The following TBC1D19 variants were observed in gnomAD, a reference collection of about 807,000 sequenced individuals.
The protein encoded by TBC1D19 is TBC1 domain family member 19, also known as TBC1 domain family, member 19.
A neutral mutation model predicts 89.0 loss-of-function variants in TBC1D19; 60 were observed. The ratio of observed to expected loss-of-function variants is 0.67; its 90% CI spans 0.55 to 0.84. The LOEUF (loss-of-function observed/expected upper bound fraction) is 0.84. Ranked by LOEUF, TBC1D19 falls within the 40% of genes least tolerant of loss-of-function variation. TBC1D19 has a pLI of 0.00. For missense variants in TBC1D19, 500 were observed against 610.8 expected (o/e 0.82, Z 1.91); for synonymous variants, 189 against 199.7 (o/e 0.95, Z 0.45).
At chr4:26,679,892 A>C (rs956812709) in intron 11 of TBC1D19, among the ~76,000 whole-genome samples, 3 of 152,212 alleles carry the variant, frequency 2.0e-5, no homozygotes, top group African/African-American at 7.2e-5. Context: ...CCAGGGTAGA[A>C]TGATATCATT....
At chr4:26,640,529 A>G (rs1051161859) in intron 7 of TBC1D19, among the ~76,000 whole-genome samples, 1 of 152,172 alleles carries the variant, frequency 6.6e-6, no homozygotes, top group Non-Finnish European at 1.5e-5. Context: ...TAACTGAGGC[A>G]CCTGGTTCAC....
At chr4:26,632,460 T>C (rs140080746) in intron 4 of TBC1D19, among the ~76,000 whole-genome samples, 1 of 152,060 alleles carries the variant, frequency 6.6e-6, no homozygotes, top group East Asian at 1.9e-4. Context: ...TATTATTTAT[T>C]AAGTGGGAGT....
At chr4:26,801,020 C>T in the TBC1D19 span, among the ~76,000 whole-genome samples, 1 of 152,204 alleles carries the variant, frequency 6.6e-6, no homozygotes, top group African/African-American at 2.4e-5. Context: ...AATTAGATCC[C>T]ATTTGTCAAT....
chr4:26,694,926 A>G (rs1714630556), intron 13 of TBC1D19, among the ~76,000 whole-genome samples: 1 of 152,190 alleles, frequency 6.6e-6, no homozygotes, highest in Non-Finnish European at 1.5e-5. Context: ...AGGTAGATAA[A>G]ACCACAAAGA....
At chr4:26,613,076 C>A in intron 1 of TBC1D19, 93 bp from the exon 2 acceptor site, 1 of 927,978 alleles carries the variant, frequency 1.1e-6, no homozygotes, top group Non-Finnish European at 1.6e-6. Flanking sequence ...CCTTTTTAAA[C>A]ATTTCCTTTG....
chr4:26,835,166 C>T, the TBC1D19 span, among the ~76,000 whole-genome samples: 2 of 152,098 alleles, frequency 1.3e-5, no homozygotes, highest in Admixed American at 1.3e-4. Context: ...TCACCTGTGT[C>T]CTTATAAGAG....
the TBC1D19 span, among the ~76,000 whole-genome samples, chr4:26,837,397 A>C: frequency 6.6e-6 from 1 of 152,206 alleles, no homozygotes; most frequent in Admixed American, 6.5e-5. Flanking sequence ...TGGTTGGATG[A>C]GATGAATGAG....
At chr4:26,666,609 G>A (rs1440774520) in intron 9 of TBC1D19, among the ~76,000 whole-genome samples, 7 of 151,712 alleles carry the variant, frequency 4.6e-5, no homozygotes, top group Non-Finnish European at 1.0e-4. Context: ...CTTTTTATTT[G>A]AAAGTCTTTA....
chr4:26,787,091 A>G, the TBC1D19 span, among the ~76,000 whole-genome samples: 1 of 150,376 alleles, frequency 6.6e-6, no homozygotes, highest in African/African-American at 2.5e-5. Flanking sequence ...CACATAATAA[A>G]GAGGAACTAG....
chr4:26,837,335 G>A, the TBC1D19 span, among the ~76,000 whole-genome samples: 1 of 151,554 alleles, frequency 6.6e-6, no homozygotes, highest in African/African-American at 2.4e-5. Context: ...TGATGAGTTG[G>A]AAAAAAAAGA....
intron 20 of TBC1D19, 98 bp from the exon 21 acceptor site, chr4:26,754,775 A>G (rs1454529667): frequency 1.1e-6 from 1 of 907,130 alleles, no homozygotes; most frequent in Non-Finnish European, 1.6e-6. Context: ...GACAAATCCA[A>G]AGAAGGAGCT....
intron 7 of TBC1D19, among the ~76,000 whole-genome samples, chr4:26,643,558 G>A (rs1377275022): frequency 2.6e-5 from 4 of 151,976 alleles, no homozygotes; most frequent in African/African-American, 7.3e-5. Context: ...CTAGCAGAAG[G>A]CAAGAAATAA....
the TBC1D19 span, among the ~76,000 whole-genome samples, chr4:26,773,253 T>C: frequency 6.6e-6 from 1 of 152,246 alleles, no homozygotes; most frequent in Non-Finnish European, 1.5e-5. Flanking sequence ...GTTTGCCACA[T>C]GTATGTCTTC....
the TBC1D19 span, among the ~76,000 whole-genome samples, chr4:26,772,936 G>T: frequency 2.0e-5 from 3 of 152,164 alleles, no homozygotes; most frequent in African/African-American, 7.2e-5. Flanking sequence ...ATGCATGAAT[G>T]TATCTTTATT....
the TBC1D19 span, among the ~76,000 whole-genome samples, chr4:26,823,409 T>G: frequency 2.0e-5 from 3 of 152,106 alleles, no homozygotes; most frequent in Admixed American, 2.0e-4. Context: ...AGGGATGGGT[T>G]TGTGATACAA....
At chr4:26,779,673 A>G in the TBC1D19 span, among the ~76,000 whole-genome samples, 2 of 152,218 alleles carry the variant, frequency 1.3e-5, no homozygotes, top group African/African-American at 4.8e-5. Context: ...AAGCCAGCAG[A>G]ATAAGAAGGG....
the TBC1D19 span, among the ~76,000 whole-genome samples, chr4:26,785,114 A>T: frequency 6.6e-6 from 1 of 152,198 alleles, no homozygotes; most frequent in African/African-American, 2.4e-5. Context: ...TTGAAATGTT[A>T]GAAGCCATTT....
rs189427315 is a variant in TBC1D19, at chr4:26,639,362, A to G, written c.433+528A>G. ...GGTGTGAGCCACTGCGCCTGGCCTT[A>G]TTTATCCTTTTTTAAAGCAGCCTTT... On this transcript the variant is annotated intron_variant, in intron 6 of 20. Coordinates refer to ENST00000264866, the MANE Select transcript of TBC1D19 (RefSeq NM_018317.4). Among the ~76,000 whole-genome samples the G allele has an allele frequency of 4.5e-3, 689 of 152,154 alleles. 1 individual carries two copies. The highest frequency in any genetic ancestry group is 6.4e-3 in the Non-Finnish European group (438 of 67,986).
chr4:26,653,314 C>T (rs562921481), intron 7 of TBC1D19, among the ~76,000 whole-genome samples: 22 of 152,192 alleles, frequency 1.4e-4, no homozygotes, highest in Non-Finnish European at 2.2e-4. Context: ...GAAATAAGTG[C>T]GATGTGGTGC....
Sources: allele counts gnomAD v4.1 joint callset (sites outside exome capture counted in the v4.1 genomes callset), GRCh38; gene constraint gnomAD v4.1.1; transcripts MANE v1.5; gene names NCBI Gene and HGNC (gene_info 2026-07-23, HGNC 2026-07-21).